SLC2A7: variants seen among roughly 807,000 people sequenced by gnomAD.
SLC2A7 encodes solute carrier family 2 member 7.
In SLC2A7, 50 loss-of-function variants were observed where a neutral mutation model predicts 50.5. That is an observed-to-expected ratio of 0.99 (90% CI 0.79 to 1.25). The LOEUF (loss-of-function observed/expected upper bound fraction) is 1.25. Among genes scored for constraint, SLC2A7 ranks in the 50% most tolerant of loss-of-function variants. The probability of loss-of-function intolerance (pLI) is 0.00; values close to 1 mark genes in which losing one functional copy is unlikely to be tolerated. For synonymous variants in SLC2A7, 308 were observed against 300.4 expected, an observed-to-expected ratio of 1.03 and a Z score of -0.26; for missense variants, 683 against 679.1, an observed-to-expected ratio of 1.01 and a Z score of -0.06.
At position 9,019,308 on chromosome 1, in the gene SLC2A7, T is replaced by C. The variant is rs765026316; in HGVS notation, c.337A>G (p.Ile113Val). 4 of 1,613,880 alleles carry C rather than the reference T, an allele frequency of 2.5e-6. No individual in the cohort carries two copies. The highest frequency in any genetic ancestry group is 1.3e-5 in the African/African-American group (1 of 74,902). ...AGGATGGCGGGGATGATGGCAAAGA[T>C]GTTGTTGATCAGCAGGGTCCCCTTT... ...GRKGTLLINN[I>V]FAIIPAILMG... Residue 113 changes from isoleucine to valine, a missense_variant, in exon 4 of 12, where the codon ATC becomes GTC. Coordinates refer to ENST00000400906, the MANE Select transcript of SLC2A7 (RefSeq NM_207420.3).
Position 9,013,513 on chromosome 1 carries a change from C to T in SLC2A7, c.1014+12G>A. 6.2e-7 allele frequency: 1 copy of T among 1,611,178 alleles called. No individual in the cohort carries two copies. The highest frequency in any genetic ancestry group is 8.5e-7 in the Non-Finnish European group (1 of 1,178,512). ...GACCCTCCAGCAGGAAGGATGCCTC[C>T]TGCTCACTCACCGAGGTGATGGTCA... On this transcript the variant is annotated intron_variant, in intron 8 of 11. Coordinates refer to ENST00000400906, the MANE Select transcript of SLC2A7 (RefSeq NM_207420.3).
chr1:9,019,474 C>A (rs1350384679), intron 3 of SLC2A7, 141 bp from the exon 4 acceptor site: 10 of 1,236,034 alleles, frequency 8.1e-6, no homozygotes, highest in Non-Finnish European at 9.9e-6. Context: ...GGGCCGTGGA[C>A]TGAATGGTGT....
At chr1:9,023,879 G>A (rs1333555989) in intron 2 of SLC2A7, among the ~76,000 whole-genome samples, 3 of 54,572 alleles carry the variant, frequency 5.5e-5, no homozygotes, top group Non-Finnish European at 7.2e-5. Context: ...TTTTTGAGAT[G>A]AAGTCTCACT....
At chr1:8,993,073 G>T in the SLC2A7 span, among the ~76,000 whole-genome samples, 1 of 152,214 alleles carries the variant, frequency 6.6e-6, no homozygotes, top group Non-Finnish European at 1.5e-5. Flanking sequence ...GGTTTAATTT[G>T]ACTCACAGTT....
At chr1:9,012,951 C>T (rs1028823655) in intron 8 of SLC2A7, among the ~76,000 whole-genome samples, 1 of 152,120 alleles carries the variant, frequency 6.6e-6, no homozygotes, top group African/African-American at 2.4e-5. Context: ...TGCAGTGGTG[C>T]CATCTCCCTG....
rs780730733 is a variant in SLC2A7 at position 9,014,737 on chromosome 1, G to A, written c.847C>T (p.Gln283Ter). ...ATGAGCACGATGATGGAGAGGAGCTGCCAGCGCAGGGACCGCAGGGCACAG... is the reference window on the plus strand; with the variant it reads ...ATGAGCACGATGATGGAGAGGAGCTACCAGCGCAGGGACCGCAGGGCACAG... ...HLCALRSLRW[Q>*]LLSIIVLMAG... Residue 283 changes from glutamine (Q) to a stop codon, truncating the protein, a stop_gained, in exon 7 of 12, where the codon CAG (glutamine) becomes TAG (stop). Transcript: ENST00000400906. LOFTEE classifies it high-confidence loss of function. 7 of 1,575,618 alleles carry A rather than the reference G, an allele frequency of 4.4e-6. No individual in the cohort carries two copies. In the African/African-American group the frequency reaches 6.7e-5, roughly 15 times the overall value.
At chr1:9,023,578 G>A (rs1640946663) in intron 2 of SLC2A7, among the ~76,000 whole-genome samples, 1 of 151,582 alleles carries the variant, frequency 6.6e-6, no homozygotes, top group African/African-American at 2.4e-5. Flanking sequence ...CTGCACTCCA[G>A]CCTGGGCAAC....
intron 3 of SLC2A7, among the ~76,000 whole-genome samples, chr1:9,022,296 C>T (rs1452502569): frequency 1.3e-5 from 2 of 152,226 alleles, no homozygotes; most frequent in Non-Finnish European, 2.9e-5. Context: ...TGAGCCCAGG[C>T]TCACGCTTTG....
chr1:9,023,835 CTTCTTTTTTTTTTT>C lies in SLC2A7; in HGVS notation c.151-771_151-758del, dbSNP rs1276768271. On this transcript the variant is annotated intron_variant, in intron 2 of 11. Transcript: ENST00000400906. ...CAGAGGCACCATAGGAAATATTCTT[CTTCTTTTTTTTTTT>C]TTTTTTTTTTTTTTTTTTTTTTTTG... Among the ~76,000 whole-genome samples the C allele has an allele frequency of 9.1e-3, 602 of 65,974 alleles. 45 individuals carry two copies. Among genetic ancestry groups the C allele is most frequent in the Middle Eastern group, 0.016 (1 of 64 alleles). The allele number at this position is 65,974 out of a possible 152,430, so 43.3% of individuals were successfully genotyped here.
chr1:9,024,814 G>A (rs948415305), intron 2 of SLC2A7, among the ~76,000 whole-genome samples, 162 bp downstream of exon 2: 1 of 152,166 alleles, frequency 6.6e-6, no homozygotes, highest in Non-Finnish European at 1.5e-5. Flanking sequence ...GTCTCCAGGG[G>A]TGAGCATCCA....
At chr1:9,021,560 A>C (rs1640913182) in intron 3 of SLC2A7, among the ~76,000 whole-genome samples, 1 of 152,192 alleles carries the variant, frequency 6.6e-6, no homozygotes, top group Non-Finnish European at 1.5e-5. Context: ...AAGATATCCC[A>C]GGTCGGCAAC....
chr1:9,018,357 A>G lies in SLC2A7; in HGVS notation c.455T>C (p.Leu152Pro), dbSNP rs775222272. ...GGCCAGTTCTCCCAGGTACATGGGAAGGGCGCTGTAGGAGATGCCTGGTTT... is the reference window on the plus strand; with the variant it reads ...GGCCAGTTCTCCCAGGTACATGGGAGGGGCGCTGTAGGAGATGCCTGGTTT... Reference protein sequence around the residue: ...GVCAGISYSALPMYLGELAPK... With the variant: ...GVCAGISYSAPPMYLGELAPK... Residue 152 changes from leucine (L) to proline (P), a missense_variant, in exon 5 of 12, where the codon CTT (leucine) becomes CCT (proline). Physicochemically the swap from Leu to Pro is moderately conservative, Grantham distance 98. Transcript: ENST00000400906. 1.9e-6 allele frequency: 3 copies of G among 1,613,234 alleles called. No individual in the cohort carries two copies. In the East Asian group the frequency reaches 6.7e-5, roughly 36 times the overall value.
intron 3 of SLC2A7, among the ~76,000 whole-genome samples, chr1:9,020,757 C>T (rs982438095): frequency 6.6e-5 from 10 of 150,866 alleles, no homozygotes; most frequent in African/African-American, 2.2e-4. Context: ...CTGAAACCTC[C>T]GTGATATGGT....
intron 10 of SLC2A7, among the ~76,000 whole-genome samples, chr1:9,005,110 T>C (rs1381526495): frequency 1.3e-5 from 2 of 152,216 alleles, no homozygotes; most frequent in East Asian, 1.9e-4. Context: ...TGAATTTCCA[T>C]TGCTGCTTCT....
At chr1:9,024,217 A>C (rs1640961092) in intron 2 of SLC2A7, among the ~76,000 whole-genome samples, 1 of 152,130 alleles carries the variant, frequency 6.6e-6, no homozygotes, top group Admixed American at 6.5e-5. Flanking sequence ...GAACCTCCAG[A>C]AACCTTAATT....
At chr1:9,024,822 C>A (rs1640970096) in intron 2 of SLC2A7, among the ~76,000 whole-genome samples, 154 bp downstream of exon 2, 1 of 152,158 alleles carries the variant, frequency 6.6e-6, no homozygotes, top group African/African-American at 2.4e-5. Context: ...GGGTGAGCAT[C>A]CAGGGTACTA....
At position 9,008,063 on chromosome 1, in the gene SLC2A7, C is replaced by T. The variant is rs1640683289; in HGVS notation, c.1117-678G>A. 6.6e-6 allele frequency among the ~76,000 whole-genome samples: 1 copy of T among 152,088 alleles called. No individual in the cohort carries two copies. Among genetic ancestry groups the T allele is most frequent in the African/African-American group, 2.4e-5 (1 of 41,422 alleles). ...CTTTCTCTACCATTCTCTGGAGACT[C>T]CTAGGACCCCCGGACCCGTGGAGCT... On this transcript the variant is annotated intron_variant, in intron 9 of 11. Transcript: ENST00000400906. The surrounding 1 kb of genome is among the most constrained non-coding windows in gnomAD (Gnocchi z 5.9).
rs758816949 is a variant in SLC2A7, at chr1:9,008,178, C to T, written c.1117-793G>A. Among the ~76,000 whole-genome samples the T allele has an allele frequency of 1.3e-5, 2 of 152,056 alleles. No individual in the cohort carries two copies. Among genetic ancestry groups the T allele is most frequent in the Non-Finnish European group, 2.9e-5 (2 of 68,002 alleles). ...CTTCAGCCAAACTAACCGGGTGCCC[C>T]CAGATGAACTTCCCAGGGAACCCTG... On this transcript the variant is annotated intron_variant, in intron 9 of 11. Transcript: ENST00000400906. The surrounding 1 kb of genome is among the most constrained non-coding windows in gnomAD (Gnocchi z 5.9).
At chr1:8,998,423 A>G (rs1274234916), downstream of SLC2A7, among the ~76,000 whole-genome samples, 1 of 152,092 alleles carries the variant, frequency 6.6e-6, no homozygotes, top group African/African-American at 2.4e-5. Context: ...TAAATAAATA[A>G]TAAAATCAGT....
Sources: gnomAD v4.1 joint callset for allele counts (sites outside exome capture counted in the v4.1 genomes callset) on GRCh38, gnomAD v4.1.1 for gene constraint, Gnocchi (gnomAD v3.1) non-coding constraint, MANE v1.5 for transcripts, NCBI Gene and HGNC (gene_info 2026-07-23, HGNC 2026-07-21) for gene names.